The following PURG variants were observed in gnomAD, a reference collection of about 807,000 sequenced individuals.
PURG encodes purine rich element binding protein G.
A neutral mutation model predicts 24.3 loss-of-function variants in PURG; 3 were observed. The observed-to-expected ratio is 0.12, with a 90% CI of 0.06 to 0.32. The LOEUF (loss-of-function observed/expected upper bound fraction) is 0.32. PURG is among the 10% of genes least tolerant of loss of function. PURG has a pLI of 1.00. For synonymous variants in PURG, 180 were observed against 173.1 expected (o/e 1.04, Z -0.31); for missense variants, 371 against 439.1 (o/e 0.84, Z 1.39).
downstream of PURG, among the ~76,000 whole-genome samples, chr8:31,027,632 A>AT (rs1811114707): frequency 6.6e-6 from 1 of 151,722 alleles, no homozygotes; most frequent in African/African-American, 2.4e-5. Context: ...CAAAATTACA[A>AT]TATAAATACA....
chr8:31,020,288 GTTTAC>G (rs958442244), intron 1 of PURG, among the ~76,000 whole-genome samples: 26 of 152,222 alleles, frequency 1.7e-4, no homozygotes, highest in African/African-American at 6.0e-4. Flanking sequence ...TTTAAATTCT[GTTTAC>G]TTAGCGTATT....
downstream of PURG, among the ~76,000 whole-genome samples, chr8:31,030,212 G>T (rs535661641): frequency 6.6e-6 from 1 of 152,080 alleles, no homozygotes; most frequent in East Asian, 1.9e-4. Context: ...TAAAAGAAGA[G>T]CTACATTCTG....
At chr8:31,017,129 T>A (rs912914543) in intron 1 of PURG, among the ~76,000 whole-genome samples, 1 of 152,192 alleles carries the variant, frequency 6.6e-6, no homozygotes, top group Non-Finnish European at 1.5e-5. Context: ...TGAAAACTTT[T>A]ATGTCTCTAA....
At chr8:31,003,633 C>T (rs1004223942) in intron 1 of PURG, among the ~76,000 whole-genome samples, 4 of 151,826 alleles carry the variant, frequency 2.6e-5, no homozygotes, top group African/African-American at 9.7e-5. Flanking sequence ...ATGGTGGTGC[C>T]CACTTGTAAT....
chr8:31,019,120 T>C, intron 1 of PURG, among the ~76,000 whole-genome samples: 2 of 48,384 alleles, frequency 4.1e-5, no homozygotes, highest in African/African-American at 9.5e-5. Flanking sequence ...CGAGACTCTG[T>C]CTCAAAAAAA....
At chr8:30,999,988 C>T (rs1372991707) in intron 1 of PURG, among the ~76,000 whole-genome samples, 1 of 151,718 alleles carries the variant, frequency 6.6e-6, no homozygotes, top group South Asian at 2.1e-4. Context: ...TAAAAAAAAA[C>T]CACACTGGTT....
At chr8:31,021,477 C>T (rs1810987071) in intron 1 of PURG, among the ~76,000 whole-genome samples, 1 of 152,166 alleles carries the variant, frequency 6.6e-6, no homozygotes, top group African/African-American at 2.4e-5. Flanking sequence ...TTTATTAGCA[C>T]CAACTTTAAC....
rs1437689869 is a variant in PURG at position 31,031,362 on chromosome 8, CT to C, written c.*376del. On this transcript the variant is annotated 3_prime_UTR_variant, in exon 2 of 2. Transcript: ENST00000523392. Reference sequence around the variant, plus strand: ...CTTTTAATGAAGTAGAATTGAAATACTTTTGGGGGAAAGTCACACTTCTATT... The same window carrying C: ...CTTTTAATGAAGTAGAATTGAAATACTTTGGGGGAAAGTCACACTTCTATT... 1.2e-5 allele frequency: 2 copies of C among 173,906 alleles called. 1 individual carries two copies. Among genetic ancestry groups the C allele is most frequent in the South Asian group, 3.0e-4 (2 of 6,704 alleles). 10.8% of individuals were successfully genotyped at this position (173,906 alleles called of 1,614,324 possible).
chr8:31,002,332 C>A (rs1810553603), intron 1 of PURG, among the ~76,000 whole-genome samples: 1 of 152,072 alleles, frequency 6.6e-6, no homozygotes. Context: ...AGATGGGAAT[C>A]TGTACAGTAT....
chr8:31,005,280 A>G (rs976792303), intron 1 of PURG, among the ~76,000 whole-genome samples: 1 of 151,972 alleles, frequency 6.6e-6, no homozygotes, highest in African/African-American at 2.4e-5. Context: ...AAAAAATACA[A>G]AAGTTAGCTG....
At chr8:31,009,674 T>TA (rs1249422742) in intron 1 of PURG, among the ~76,000 whole-genome samples, 1 of 152,196 alleles carries the variant, frequency 6.6e-6, no homozygotes, top group Non-Finnish European at 1.5e-5. Context: ...TACAACATAA[T>TA]AAATGTGATT....
chr8:31,007,275 T>C (rs1213380040), intron 1 of PURG, among the ~76,000 whole-genome samples: 2 of 152,132 alleles, frequency 1.3e-5, no homozygotes, highest in Non-Finnish European at 2.9e-5. Context: ...GAGGAAAATA[T>C]CAGTATTAAG....
intron 1 of PURG, among the ~76,000 whole-genome samples, chr8:31,008,817 C>T (rs955841000): frequency 1.6e-4 from 25 of 152,308 alleles, no homozygotes; most frequent in African/African-American, 6.0e-4. Context: ...AGAATTTGGA[C>T]TTGAACCCAG....
Position 31,031,592 on chromosome 8 carries a change from A to T in PURG, c.*147T>A. On this transcript the variant is annotated 3_prime_UTR_variant, in exon 2 of 2. Transcript: ENST00000523392. ...TGATCTATGTGTAACATAACATGAG[A>T]ATCAGACTTCCTGAAGTATCAACTA... The T allele has an allele frequency of 1.4e-6, 1 of 703,804 alleles. No individual in the cohort carries two copies. Among genetic ancestry groups the T allele is most frequent in the Non-Finnish European group, 2.3e-6 (1 of 430,636 alleles). The allele number at this position is 703,804 out of a possible 1,614,324, so 43.6% of individuals were successfully genotyped here. A position where few individuals can be genotyped will look rare whatever the true frequency, so the allele number is the denominator to read the frequency against.
rs1191053771 is a variant in PURG, at chr8:31,013,753, T to G, written c.865-17056A>C. The stretch of plus-strand genomic sequence containing the variant: ...ACTGTCTCAAAAAATAAAAGGTTCC[T>G]ACTGGCAAAATATTAGTGTCCAGCT... On this transcript the variant is annotated intron_variant, in intron 1 of 1. Transcript: ENST00000339382. Among the ~76,000 whole-genome samples the G allele has an allele frequency of 2.6e-5, 4 of 152,282 alleles. No individual in the cohort carries two copies. The East Asian group carries it at 7.7e-4, about 29-fold the overall frequency.
rs182543167 is a variant in PURG, at chr8:31,011,827, T to C, written c.865-15130A>G. 4.8e-3 allele frequency among the ~76,000 whole-genome samples: 735 copies of C among 152,264 alleles called. 7 individuals are homozygous for C. The highest frequency in any genetic ancestry group is 4.1e-3 in the Non-Finnish European group (279 of 68,008). On this transcript the variant is annotated intron_variant, in intron 1 of 1. Coordinates refer to the PURG transcript ENST00000339382. ...CAAAAAGTAGCTACTCAATGTCCAT[T>C]GAATGAGTAGAGGAACAACATCACT... is the stretch of plus-strand genomic sequence containing the variant.
intron 1 of PURG, among the ~76,000 whole-genome samples, chr8:31,015,404 A>C (rs565239810): frequency 6.6e-6 from 1 of 152,300 alleles, no homozygotes; most frequent in Non-Finnish European, 1.5e-5. Flanking sequence ...TTCAAAGATT[A>C]ACTAGATTGA....
chr8:31,007,521 A>G (rs779219437), intron 1 of PURG, among the ~76,000 whole-genome samples: 12 of 152,352 alleles, frequency 7.9e-5, no homozygotes, highest in Middle Eastern at 3.4e-3. Context: ...ACGTCTATAT[A>G]ATCTCACTGA....
rs1416456897 is a variant in PURG, at chr8:31,032,756, G to T, written c.27C>A (p.Gly9=). 10 of 1,433,414 alleles carry T rather than the reference G, an allele frequency of 7.0e-6. No individual in the cohort carries two copies. Among genetic ancestry groups the T allele is most frequent in the Non-Finnish European group, 9.2e-6 (10 of 1,090,264 alleles). The allele number at this position is 1,433,414 out of a possible 1,614,324, so 88.8% of individuals were successfully genotyped here. Reference sequence around the variant, plus strand: ...TGCCTCCGCGGCCGCGGCCGCCGCCGCCTCCCCTTCGCCTGGCTCTTTCCA... The same window carrying T: ...TGCCTCCGCGGCCGCGGCCGCCGCCTCCTCCCCTTCGCCTGGCTCTTTCCA... The part of the protein sequence containing the change: MERARRRG[G]GGGRGRGGKN... The change falls in exon 2 of 2, where the codon GGC becomes GGA. Residue 9 remains glycine, a synonymous_variant. Coordinates refer to ENST00000523392, the MANE Select transcript of PURG (RefSeq NM_001323311.2). This position sits in a 1 kb window ranked among gnomAD's most constrained non-coding sequence, Gnocchi z 5.9.
Sources: gnomAD v4.1 joint callset for allele counts (sites outside exome capture counted in the v4.1 genomes callset) on GRCh38, gnomAD v4.1.1 for gene constraint, Gnocchi (gnomAD v3.1) non-coding constraint, MANE v1.5 for transcripts, NCBI Gene and HGNC (gene_info 2026-07-23, HGNC 2026-07-21) for gene names.